The following BTBD1 variants were observed in gnomAD, a reference collection of about 807,000 sequenced individuals.
BTBD1 encodes the protein BTB/POZ domain-containing protein 1.
In BTBD1, 34 loss-of-function variants were observed where a neutral mutation model predicts 48.0. The ratio of observed to expected loss-of-function variants is 0.71; its 90% CI spans 0.54 to 0.94. The LOEUF is 0.94. Ranked by LOEUF, BTBD1 falls within the 40% of genes least tolerant of loss-of-function variation. BTBD1 has a pLI of 0.00. For synonymous variants in BTBD1, 261 were observed against 242.1 expected, an observed-to-expected ratio of 1.08 and a Z score of -0.72; for missense variants, 543 against 625.6, an observed-to-expected ratio of 0.87 and a Z score of 1.41.
rs1555441191 is a variant in BTBD1, at chr15:83,051,877, T to TATACACACACAC, written c.559-1700_559-1699insGTGTGTGTGTAT. 9.4e-3 allele frequency among the ~76,000 whole-genome samples: 1,305 copies of TATACACACACAC among 138,862 alleles called. 12 individuals are homozygous for TATACACACACAC. Among genetic ancestry groups the TATACACACACAC allele is most frequent in the African/African-American group, 0.026 (946 of 36,102 alleles). The allele number at this position is 138,862 out of a possible 152,430, so 91.1% of individuals were successfully genotyped here. A position where few individuals can be genotyped will look rare whatever the true frequency, so the allele number is the denominator to read the frequency against. ...TTTATTAATTTTTTTTCCATATATA[T>TATACACACACAC]ACACACACACACACACACACACACA... On this transcript the variant is annotated intron_variant, in intron 2 of 7. Coordinates refer to ENST00000261721, the MANE Select transcript of BTBD1 (RefSeq NM_025238.4).
intron 3 of BTBD1, among the ~76,000 whole-genome samples, chr15:83,045,081 T>G (rs1248514192): frequency 6.6e-6 from 1 of 152,232 alleles, no homozygotes; most frequent in African/African-American, 2.4e-5. Flanking sequence ...CTAATAGTTA[T>G]ACTTTAAATT....
At chr15:83,066,271 G>A (rs1276133553) in intron 1 of BTBD1, among the ~76,000 whole-genome samples, 3 of 152,144 alleles carry the variant, frequency 2.0e-5, no homozygotes, top group African/African-American at 7.2e-5. Context: ...CAGCATTCCA[G>A]CCTGGGCAAC....
At chr15:83,041,311 T>C (rs927444383) in intron 4 of BTBD1, among the ~76,000 whole-genome samples, 43 of 152,112 alleles carry the variant, frequency 2.8e-4, no homozygotes, top group Non-Finnish European at 5.1e-4. Flanking sequence ...ATGTTTGTCA[T>C]GTGATTAGTA....
chr15:83,032,133 C>T (rs1280116421), intron 4 of BTBD1, among the ~76,000 whole-genome samples: 1 of 151,960 alleles, frequency 6.6e-6, no homozygotes, highest in East Asian at 1.9e-4. Context: ...CCAGCCTGAC[C>T]AACATGGTGA....
chr15:83,063,906 G>C (rs113726464), intron 1 of BTBD1, among the ~76,000 whole-genome samples: 1 of 152,080 alleles, frequency 6.6e-6, no homozygotes, highest in South Asian at 2.1e-4. Context: ...ACTTGACATT[G>C]TATCTTTAGT....
At chr15:83,022,216 AT>A (rs536263928) in intron 5 of BTBD1, 490 of 131,810 alleles carry the variant, frequency 3.7e-3, no homozygotes, top group African/African-American at 4.8e-3. Flanking sequence ...TGCTAGTTTA[AT>A]TTTTTTTTTT....
chr15:83,043,729 C>T (rs1675437935), intron 3 of BTBD1, among the ~76,000 whole-genome samples: 2 of 152,056 alleles, frequency 1.3e-5, no homozygotes, highest in Non-Finnish European at 2.9e-5. Flanking sequence ...GTTTATATAG[C>T]TTATGCACTG....
chr15:83,027,203 T>G (rs2032426912), intron 5 of BTBD1, among the ~76,000 whole-genome samples: 1 of 151,978 alleles, frequency 6.6e-6, no homozygotes, highest in South Asian at 2.1e-4. Context: ...AAATACAAAA[T>G]TAGCCAGGTG....
chr15:83,054,169 T>C (rs2033041843), intron 2 of BTBD1, among the ~76,000 whole-genome samples: 1 of 152,140 alleles, frequency 6.6e-6, no homozygotes, highest in East Asian at 1.9e-4. Context: ...GGAAACCCCG[T>C]TCCTACCAAA....
intron 4 of BTBD1, 62 bp downstream of exon 4, chr15:83,041,666 G>A (rs918830631): frequency 6.6e-7 from 1 of 1,513,138 alleles, no homozygotes; most frequent in Non-Finnish European, 9.2e-7. Flanking sequence ...GAGCCACCAG[G>A]CCCAGCCCTG....
chr15:83,056,666 TCCACCCACCCACCCAC>T lies in BTBD1; in HGVS notation c.402-137_402-122del, dbSNP rs1007607542. On this transcript the variant is annotated intron_variant, in intron 1 of 7. Transcript: ENST00000261721. ...TTTATTTTATGTTTTCATCCATCCA[TCCACCCACCCACCCAC>T]CCACCCAGCCATCCATTCATCTATC... 8 of 777,492 alleles carry T rather than the reference TCCACCCACCCACCCAC, an allele frequency of 1.0e-5. No individual in the cohort carries two copies. In the African/African-American group the frequency reaches 1.6e-4, roughly 16 times the overall value. The allele number at this position is 777,492 out of a possible 1,614,324, so 48.2% of individuals were successfully genotyped here. A position where few individuals can be genotyped will look rare whatever the true frequency, so the allele number is the denominator to read the frequency against.
chr15:83,061,044 T>C (rs1355166427), intron 1 of BTBD1, among the ~76,000 whole-genome samples: 1 of 152,206 alleles, frequency 6.6e-6, no homozygotes, highest in African/African-American at 2.4e-5. Flanking sequence ...AAGATGGAGA[T>C]ACATTCTAAG....
chr15:83,027,301 G>A (rs1056876710), intron 5 of BTBD1, among the ~76,000 whole-genome samples: 2 of 152,304 alleles, frequency 1.3e-5, no homozygotes, highest in Non-Finnish European at 1.5e-5. Context: ...GCAGTGAGCC[G>A]GGATCGCACC....
chr15:83,031,278 GTGA>G (rs1230169603), intron 4 of BTBD1, among the ~76,000 whole-genome samples: 1 of 152,228 alleles, frequency 6.6e-6, no homozygotes, highest in Non-Finnish European at 1.5e-5. Context: ...CTGATGGCCA[GTGA>G]TGATGAGCAC....
intron 4 of BTBD1, 21 bp from the exon 5 acceptor site, chr15:83,030,349 G>A (rs2151302564): frequency 6.4e-7 from 1 of 1,574,092 alleles, no homozygotes; most frequent in Non-Finnish European, 8.6e-7. Context: ...AAAAACATAA[G>A]CCTAAAAAAA....
intron 3 of BTBD1, among the ~76,000 whole-genome samples, chr15:83,046,593 C>T (rs898805982): frequency 2.0e-5 from 3 of 152,116 alleles, no homozygotes; most frequent in African/African-American, 7.2e-5. Flanking sequence ...TGTAAGTTAC[C>T]CAGATGCAGG....
At chr15:83,027,256 G>T (rs1275557918) in intron 5 of BTBD1, among the ~76,000 whole-genome samples, 1 of 152,202 alleles carries the variant, frequency 6.6e-6, no homozygotes, top group East Asian at 1.9e-4. Context: ...GGAGCCTGAG[G>T]CAGGAGAATC....
intron 5 of BTBD1, among the ~76,000 whole-genome samples, chr15:83,025,357 C>CAAAAAAAAAAAAAA (rs767479917): frequency 7.8e-5 from 5 of 64,172 alleles, no homozygotes; most frequent in Admixed American, 1.9e-4. Context: ...GACTCCATCA[C>CAAAAAAAAAAAAAA]AAAAAAAAAA....
chr15:83,021,959 C>T (rs2032308519), intron 5 of BTBD1, among the ~76,000 whole-genome samples: 1 of 151,994 alleles, frequency 6.6e-6, no homozygotes, highest in Non-Finnish European at 1.5e-5. Context: ...GAATTATTTC[C>T]TTTAGTCATC....
Sources: allele counts gnomAD v4.1 joint callset (sites outside exome capture counted in the v4.1 genomes callset), GRCh38; gene constraint gnomAD v4.1.1; transcripts MANE v1.5; gene names NCBI Gene and HGNC (gene_info 2026-07-23, HGNC 2026-07-21).